Variants in TMEM223 observed in about 807,000 individuals in gnomAD.
TMEM223 encodes the protein transmembrane protein 223.
Under a neutral mutation model 14.1 loss-of-function variants are expected in TMEM223, and 14 were observed. That is an observed-to-expected ratio of 0.99 (90% confidence interval 0.66 to 1.55). TMEM223 has a LOEUF of 1.55. Among genes scored for constraint, TMEM223 ranks in the 40% most tolerant of loss-of-function variants. The pLI, the probability that TMEM223 is intolerant of heterozygous loss-of-function variation, is 0.00. For missense variants in TMEM223, 346 were observed against 269.9 expected (o/e 1.28, Z -1.97); for synonymous variants, 145 against 120.5 (o/e 1.20, Z -1.33).
chr11:62,786,990 C>T (rs1198022136), downstream of TMEM223: 1 of 1,475,588 alleles, frequency 6.8e-7, no homozygotes, highest in African/African-American at 1.5e-5. Flanking sequence ...CCTCTGAGAG[C>T]AGGCCCTTGC....
chr11:62,790,898 C>T lies in TMEM223; in HGVS notation c.334G>A (p.Ala112Thr), dbSNP rs376437566. ...CGAIGALVLG[A>T]GLLFSLRSVR... ...GACCGGAGAGAGAAGAGAAGACCAG[C>T]ACCGAGTACGAGGGCTCCTGCAGGC... The change falls in exon 2 of 2, where the codon GCT (alanine) becomes ACT (threonine). Residue 112 changes from alanine (A) to threonine (T), a missense_variant. Coordinates refer to ENST00000307366, the MANE Select transcript of TMEM223 (RefSeq NM_001080501.3). 76 of 1,588,796 alleles carry T rather than the reference C, an allele frequency of 4.8e-5. 1 individual carries two copies. The highest frequency in any genetic ancestry group is 6.1e-5 in the Non-Finnish European group (71 of 1,164,176).
intron 2 of TMEM223, among the ~76,000 whole-genome samples, chr11:62,772,384 A>C (rs1023119423): frequency 2.0e-5 from 3 of 152,026 alleles, no homozygotes; most frequent in African/African-American, 7.2e-5. Flanking sequence ...TTAGCTGGGC[A>C]TGGCGGCGTA....
chr11:62,789,320 G>C (rs540927271), downstream of TMEM223: 1 of 1,613,944 alleles, frequency 6.2e-7, no homozygotes, highest in African/African-American at 1.3e-5. Flanking sequence ...CATTGCACTG[G>C]CCATCTCAGC....
intron 2 of TMEM223, chr11:62,772,146 G>A (rs774674437): frequency 3.9e-5 from 18 of 456,108 alleles, no homozygotes; most frequent in South Asian, 2.8e-4. Flanking sequence ...TGAAATAGAC[G>A]AAATACATAA....
At chr11:62,787,231 G>T, downstream of TMEM223, 1 of 1,574,788 alleles carries the variant, frequency 6.4e-7, no homozygotes, top group Non-Finnish European at 8.6e-7. Context: ...GCCCATGATC[G>T]GCCGTACCAG....
chr11:62,776,227 G>A (rs1325145084), intron 1 of TMEM223, among the ~76,000 whole-genome samples: 2 of 152,108 alleles, frequency 1.3e-5, no homozygotes, highest in Non-Finnish European at 2.9e-5. Flanking sequence ...ACACCCGGGG[G>A]GTGTTTTTGT....
At position 62,790,721 on chromosome 11, in the gene TMEM223, C is replaced by CT; in HGVS notation, c.510dup (p.Val171SerfsTer18). The stretch of plus-strand genomic sequence containing the variant: ...AGGAAATAGAAGCGTCGGCCTTTGA[C>CT]TTTCAGAGGTAGCATGGCAGGGACT... On this transcript the variant is annotated frameshift_variant, in exon 2 of 2. Transcript: ENST00000307366. LOFTEE classifies it high-confidence loss of function. 6.2e-7 allele frequency: 1 copy of CT among 1,611,540 alleles called. No homozygotes were observed. Among genetic ancestry groups the CT allele is most frequent in the Non-Finnish European group, 8.5e-7 (1 of 1,178,802 alleles).
At chr11:62,791,564 G>T in intron 1 of TMEM223, 115 bp downstream of exon 1, 1 of 1,303,940 alleles carries the variant, frequency 7.7e-7, no homozygotes, top group Non-Finnish European at 1.0e-6. Flanking sequence ...TTTCTGTGGG[G>T]TAAAGCCCGC....
At chr11:62,787,498 G>C, downstream of TMEM223, 1 of 1,578,428 alleles carries the variant, frequency 6.3e-7, no homozygotes, top group Non-Finnish European at 8.5e-7. Context: ...GTGCGGGGCC[G>C]TGGCGGCCGC....
At chr11:62,783,535 C>CTTT (rs1342686734), downstream of TMEM223, among the ~76,000 whole-genome samples, 1 of 133,912 alleles carries the variant, frequency 7.5e-6, no homozygotes, top group Non-Finnish European at 1.6e-5. Context: ...GAGGGAGGAT[C>CTTT]TTTTTTTTTT....
chr11:62,786,430 T>C (rs968416362), downstream of TMEM223: 7 of 1,602,074 alleles, frequency 4.4e-6, no homozygotes, highest in Non-Finnish European at 6.0e-6. Flanking sequence ...CTGCATGAGC[T>C]TAGCAGCCAA....
downstream of TMEM223, chr11:62,786,710 C>T (rs754991276): frequency 6.2e-7 from 1 of 1,612,664 alleles, no homozygotes. Context: ...GGCGCGGGGC[C>T]GGAGGACCCT....
chr11:62,791,621 G>A lies in TMEM223; in HGVS notation c.316+58C>T, dbSNP rs529833866. ...TCCCTGACTCTCCCTGCCTGTATAG[G>A]GAAGGTCGTGTCCCGCCACCCCACG... On this transcript the variant is annotated intron_variant, in intron 1 of 1. Coordinates refer to ENST00000307366, the MANE Select transcript of TMEM223 (RefSeq NM_001080501.3). 5.2e-4 allele frequency: 761 copies of A among 1,468,518 alleles called. 7 individuals carry two copies. The South Asian group carries it at 9.4e-3, about 18-fold the overall frequency. The allele number at this position is 1,468,518 out of a possible 1,614,324, so 91.0% of individuals were successfully genotyped here. A position where few individuals can be genotyped will look rare whatever the true frequency, so the allele number is the denominator to read the frequency against.
chr11:62,780,812 C>G (rs1028075816), intron 1 of TMEM223, among the ~76,000 whole-genome samples: 1 of 150,620 alleles, frequency 6.6e-6, no homozygotes, highest in African/African-American at 2.4e-5. Flanking sequence ...TGGCATGCGT[C>G]TGTAATCCTA....
chr11:62,786,625 C>G (rs1676464153), downstream of TMEM223: 1 of 1,601,668 alleles, frequency 6.2e-7, no homozygotes, highest in African/African-American at 1.3e-5. Flanking sequence ...ATGGGACAGC[C>G]TTCTCTTTCA....
exon 3 of TMEM223, chr11:62,771,940 T>G (rs78063688): frequency 2.8e-6 from 1 of 356,118 alleles, no homozygotes; most frequent in Middle Eastern, 5.9e-4. Flanking sequence ...AAGGGGTGGG[T>G]CTCCAATCCA....
chr11:62,784,895 C>G (rs116791567), downstream of TMEM223, among the ~76,000 whole-genome samples: 1,426 of 152,334 alleles, frequency 9.4e-3, 21 homozygotes, highest in African/African-American at 0.033. Flanking sequence ...TGTTTCCTCT[C>G]ATGTACTGTC....
At chr11:62,787,400 C>T (rs2084297226), downstream of TMEM223, 1 of 1,556,496 alleles carries the variant, frequency 6.4e-7, no homozygotes, top group South Asian at 1.2e-5. Context: ...CGGGGTGCTG[C>T]TGCAGCGGCG....
intron 1 of TMEM223, chr11:62,781,954 T>G (rs1383200958): frequency 3.1e-6 from 5 of 1,613,998 alleles, no homozygotes; most frequent in Non-Finnish European, 1.7e-6. Context: ...TTACTTTGTT[T>G]ATGTGGTCAG....
Sources: gnomAD v4.1 joint callset for allele counts (sites outside exome capture counted in the v4.1 genomes callset) on GRCh38, gnomAD v4.1.1 for gene constraint, MANE v1.5 for transcripts, NCBI Gene and HGNC (gene_info 2026-07-23, HGNC 2026-07-21) for gene names.